SGCZ: variants seen among roughly 807,000 people sequenced by gnomAD.
SGCZ encodes sarcoglycan zeta, also known as zeta-sarcoglycan.
Under a neutral mutation model 41.3 loss-of-function variants are expected in SGCZ, and 40 were observed. The ratio of observed to expected loss-of-function variants is 0.97; its 90% CI spans 0.75 to 1.26. The LOEUF (loss-of-function observed/expected upper bound fraction) is 1.26. Ranked by LOEUF, SGCZ falls within the 50% of genes most tolerant of loss-of-function variation. The pLI is 0.00. For missense variants in SGCZ, 552 were observed against 369.8 expected (o/e 1.49, Z -4.04); for synonymous variants, 206 against 137.5 (o/e 1.50, Z -3.49).
chr8:14,905,806 A>G (rs886951063), intron 1 of SGCZ, among the ~76,000 whole-genome samples: 2 of 152,056 alleles, frequency 1.3e-5, no homozygotes, highest in Non-Finnish European at 2.9e-5. Context: ...TAAGAAAAAA[A>G]AAAGGTAAAT....
At chr8:14,501,469 T>C (rs1282574704) in intron 2 of SGCZ, among the ~76,000 whole-genome samples, 3 of 152,074 alleles carry the variant, frequency 2.0e-5, no homozygotes, top group Admixed American at 2.0e-4. Flanking sequence ...AATTAAATAT[T>C]GACATATACC....
chr8:15,180,753 G>C lies in SGCZ; in HGVS notation c.39+56832C>G, dbSNP rs571942819. ...ACAAACAAAATTAGCCGGGCATGGTGGTGGGCGCCTGTAGCCCCAGCTACT... is the reference window on the plus strand; with the variant it reads ...ACAAACAAAATTAGCCGGGCATGGTCGTGGGCGCCTGTAGCCCCAGCTACT... On this transcript the variant is annotated intron_variant, in intron 1 of 7. Coordinates refer to ENST00000382080, the MANE Select transcript of SGCZ (RefSeq NM_139167.4). 2.9e-5 allele frequency among the ~76,000 whole-genome samples: 4 copies of C among 137,584 alleles called. No individual in the cohort carries two copies. In the East Asian group the frequency reaches 8.2e-4, roughly 28 times the overall value. 90.3% of individuals were successfully genotyped at this position (137,584 alleles called of 152,430 possible).
intron 2 of SGCZ, among the ~76,000 whole-genome samples, chr8:14,546,420 G>C (rs1166198784): frequency 6.6e-6 from 1 of 152,188 alleles, no homozygotes; most frequent in Non-Finnish European, 1.5e-5. Flanking sequence ...TTTAACCAGT[G>C]CGAAGACTAA....
At chr8:14,923,883 G>A (rs372188250) in intron 1 of SGCZ, among the ~76,000 whole-genome samples, 1 of 152,168 alleles carries the variant, frequency 6.6e-6, no homozygotes, top group South Asian at 2.1e-4. Context: ...GAGTTGGTAC[G>A]AAGATTATTT....
In SGCZ at chr8:14,898,810, C is replaced by G. The variant is rs1585360670; in HGVS notation, c.39+338775G>C. On this transcript the variant is annotated intron_variant, in intron 1 of 7. Transcript: ENST00000382080. ...TAAAAGAATAATTCAGTGAGTGCCA[C>G]CTTCTGTTCAAGATGTCTCTATATT... Among the ~76,000 whole-genome samples, 6 of 152,210 alleles carry G rather than the reference C, an allele frequency of 3.9e-5. 1 individual carries two copies. Among genetic ancestry groups the G allele is most frequent in the Admixed American group, 3.9e-4 (6 of 15,272 alleles).
intron 1 of SGCZ, among the ~76,000 whole-genome samples, chr8:15,118,891 A>G (rs1807374165): frequency 6.6e-6 from 1 of 152,214 alleles, no homozygotes; most frequent in East Asian, 1.9e-4. Flanking sequence ...TTAAAGGAGT[A>G]TAGACACGTT....
intron 1 of SGCZ, among the ~76,000 whole-genome samples, chr8:15,096,993 T>C (rs1256316172): frequency 2.0e-5 from 3 of 152,108 alleles, no homozygotes; most frequent in Non-Finnish European, 4.4e-5. Context: ...CCTTATTTTA[T>C]TTTTTGAGAT....
intron 2 of SGCZ, among the ~76,000 whole-genome samples, chr8:14,534,885 G>A (rs1243856654): frequency 6.6e-6 from 1 of 151,954 alleles, no homozygotes; most frequent in Non-Finnish European, 1.5e-5. Flanking sequence ...ATAAGCATAA[G>A]GGAAAGAATG....
At chr8:14,108,478 G>A (rs757859118) in intron 5 of SGCZ, among the ~76,000 whole-genome samples, 50 of 152,110 alleles carry the variant, frequency 3.3e-4, no homozygotes, top group Non-Finnish European at 6.6e-4. Context: ...GGAGGCAACA[G>A]GCACTTCATA....
chr8:15,195,748 TA>T (rs1161338907), intron 1 of SGCZ, among the ~76,000 whole-genome samples: 3 of 152,012 alleles, frequency 2.0e-5, no homozygotes, highest in Non-Finnish European at 4.4e-5. Flanking sequence ...ATTTTTCATC[TA>T]AAAAAAACTT....
chr8:14,133,860 A>T (rs912471433), intron 5 of SGCZ, among the ~76,000 whole-genome samples: 1 of 151,712 alleles, frequency 6.6e-6, no homozygotes, highest in African/African-American at 2.4e-5. Context: ...ATTATACTGC[A>T]CTCCAGTTTT....
intron 2 of SGCZ, among the ~76,000 whole-genome samples, chr8:14,449,842 A>T (rs1269021694): frequency 6.6e-6 from 1 of 152,196 alleles, no homozygotes; most frequent in Admixed American, 6.5e-5. Flanking sequence ...AAGAACTGCA[A>T]CTGAGATGAA....
intron 1 of SGCZ, among the ~76,000 whole-genome samples, chr8:15,108,735 A>T (rs1435677113): frequency 6.6e-6 from 1 of 152,146 alleles, no homozygotes; most frequent in Non-Finnish European, 1.5e-5. Flanking sequence ...GAATGAATAG[A>T]AATCATTATT....
chr8:14,869,513 C>T (rs970648925), intron 1 of SGCZ, among the ~76,000 whole-genome samples: 60 of 152,154 alleles, frequency 3.9e-4, no homozygotes, highest in African/African-American at 1.4e-3. Context: ...GAAGCATTCC[C>T]TTTGAAAACT....
At chr8:14,759,370 T>G in intron 1 of SGCZ, among the ~76,000 whole-genome samples, 1 of 152,294 alleles carries the variant, frequency 6.6e-6, no homozygotes, top group African/African-American at 2.4e-5. Flanking sequence ...TATTTTTTGG[T>G]TTGAGGTTGT....
chr8:14,733,115 A>G (rs2130247071), intron 1 of SGCZ, among the ~76,000 whole-genome samples: 1 of 152,258 alleles, frequency 6.6e-6, no homozygotes, highest in East Asian at 1.9e-4. Context: ...ATCAATCCAC[A>G]GCCCATATCT....
At chr8:14,581,746 G>C (rs998786604) in intron 1 of SGCZ, among the ~76,000 whole-genome samples, 10 of 152,090 alleles carry the variant, frequency 6.6e-5, no homozygotes, top group Non-Finnish European at 1.5e-4. Flanking sequence ...CTTTGAAAAA[G>C]GTTGAGGATA....
chr8:14,199,599 G>A (rs986957047), intron 4 of SGCZ, among the ~76,000 whole-genome samples: 20 of 151,922 alleles, frequency 1.3e-4, no homozygotes, highest in African/African-American at 4.6e-4. Flanking sequence ...GGGGCATCAC[G>A]GAACCTGCTG....
At chr8:14,334,208 T>A (rs1164857553) in intron 2 of SGCZ, among the ~76,000 whole-genome samples, 1 of 151,974 alleles carries the variant, frequency 6.6e-6, no homozygotes, top group Non-Finnish European at 1.5e-5. Flanking sequence ...GGTAAAGCCT[T>A]TTATAGGAAT....
Sources: allele counts gnomAD v4.1 joint callset (sites outside exome capture counted in the v4.1 genomes callset), GRCh38; gene constraint gnomAD v4.1.1; transcripts MANE v1.5; gene names NCBI Gene and HGNC (gene_info 2026-07-23, HGNC 2026-07-21).